Variants in ARB2A observed in about 807,000 individuals in gnomAD.
ARB2A encodes cotranscriptional regulator ARB2A.
chr5:94,031,234 G>A, the ARB2A span, among the ~76,000 whole-genome samples: 180 of 152,248 alleles, frequency 1.2e-3, 3 homozygotes, highest in East Asian at 0.031. Flanking sequence ...TCTGGTGAGC[G>A]CTCAGAAGAT....
chr5:93,732,636 A>AT, the ARB2A span, among the ~76,000 whole-genome samples: 9 of 151,684 alleles, frequency 5.9e-5, no homozygotes, highest in Non-Finnish European at 1.2e-4. Context: ...TTTCTCATGT[A>AT]TATGGCTCCG....
At chr5:93,699,370 A>G in the ARB2A span, among the ~76,000 whole-genome samples, 3 of 152,222 alleles carry the variant, frequency 2.0e-5, no homozygotes, top group East Asian at 3.8e-4. Context: ...TTTTATCAGC[A>G]TGACCTAGAA....
At chr5:93,631,788 GGAGGGGGATAGGGA>G in the ARB2A span, among the ~76,000 whole-genome samples, 2 of 151,330 alleles carry the variant, frequency 1.3e-5, no homozygotes, top group African/African-American at 4.9e-5. Context: ...CAGAGAGGGG[GGAGGGGGATAGGGA>G]GAGGGGGAGA....
the ARB2A span, among the ~76,000 whole-genome samples, chr5:93,725,240 A>G: frequency 1.3e-5 from 2 of 152,026 alleles, no homozygotes; most frequent in South Asian, 4.1e-4. Context: ...AAGAACATTA[A>G]CCGTATATTT....
chr5:94,106,364 CAT>C, the ARB2A span, among the ~76,000 whole-genome samples: 2 of 152,056 alleles, frequency 1.3e-5, no homozygotes, highest in Non-Finnish European at 2.9e-5. Flanking sequence ...GGACAACAAA[CAT>C]ATGAAAAAAT....
the ARB2A span, among the ~76,000 whole-genome samples, chr5:93,907,832 C>T: frequency 1.3e-5 from 2 of 151,128 alleles, no homozygotes; most frequent in Non-Finnish European, 3.0e-5. Flanking sequence ...GTATCATGGC[C>T]AATTTTAAAT....
the ARB2A span, among the ~76,000 whole-genome samples, chr5:94,060,626 A>T: frequency 1.3e-5 from 2 of 152,202 alleles, no homozygotes; most frequent in Non-Finnish European, 2.9e-5. Flanking sequence ...CTTCCAGTAA[A>T]TAAAACAGAG....
chr5:93,696,048 T>C, the ARB2A span, among the ~76,000 whole-genome samples: 1 of 151,378 alleles, frequency 6.6e-6, no homozygotes, highest in Non-Finnish European at 1.5e-5. Context: ...GGTGGGGGAC[T>C]AGGGGAGGGA....
chr5:94,047,440 C>T, the ARB2A span, among the ~76,000 whole-genome samples: 4 of 146,732 alleles, frequency 2.7e-5, no homozygotes, highest in Non-Finnish European at 1.5e-5. Context: ...TGCAGTGAGC[C>T]GAGGGTGAGC....
the ARB2A span, among the ~76,000 whole-genome samples, chr5:93,826,858 TCCTTGTGATAGTTTG>T: frequency 5.3e-5 from 8 of 151,008 alleles, no homozygotes; most frequent in East Asian, 1.6e-3. Context: ...TGGTTTTTTG[TCCTTGTGATAGTTTG>T]CTAAGAATGA....
chr5:93,892,961 T>C, the ARB2A span, among the ~76,000 whole-genome samples: 2 of 152,240 alleles, frequency 1.3e-5, no homozygotes, highest in Admixed American at 1.3e-4. Flanking sequence ...CTTTAAAAAA[T>C]ATGGTTTTAA....
At chr5:93,971,577 T>C in the ARB2A span, among the ~76,000 whole-genome samples, 1 of 145,834 alleles carries the variant, frequency 6.9e-6, no homozygotes, top group Non-Finnish European at 1.5e-5. Flanking sequence ...CAAAAATAAA[T>C]AAATAAATAA....
the ARB2A span, among the ~76,000 whole-genome samples, chr5:93,727,344 C>T: frequency 6.6e-6 from 1 of 151,700 alleles, no homozygotes; most frequent in Non-Finnish European, 1.5e-5. Context: ...ATTTACTAAC[C>T]CTTTTAAAAT....
At chr5:94,035,238 T>TATACAC in the ARB2A span, among the ~76,000 whole-genome samples, 5 of 144,146 alleles carry the variant, frequency 3.5e-5, no homozygotes, top group African/African-American at 4.9e-5. Flanking sequence ...TACATATACA[T>TATACAC]ATACATATAC....
At chr5:94,036,492 T>C in the ARB2A span, among the ~76,000 whole-genome samples, 33 of 152,328 alleles carry the variant, frequency 2.2e-4, no homozygotes, top group East Asian at 6.4e-3. Flanking sequence ...TTTACCACTT[T>C]ACACTCCCAC....
chr5:93,920,883 T>C, the ARB2A span, among the ~76,000 whole-genome samples: 6 of 152,112 alleles, frequency 3.9e-5, no homozygotes, highest in Non-Finnish European at 7.4e-5. Context: ...GTGCGAGCAG[T>C]TGTCTCTTCA....
the ARB2A span, among the ~76,000 whole-genome samples, chr5:93,876,315 C>T: frequency 6.6e-6 from 1 of 152,114 alleles, no homozygotes; most frequent in South Asian, 2.1e-4. Context: ...TATTACAAAA[C>T]ATATTAAGCA....
chr5:93,650,684 T>A, the ARB2A span, among the ~76,000 whole-genome samples: 1 of 152,016 alleles, frequency 6.6e-6, no homozygotes, highest in African/African-American at 2.4e-5. Context: ...ATAAACGGGA[T>A]AAATGCAAAG....
the ARB2A span, among the ~76,000 whole-genome samples, chr5:94,009,243 CA>C: frequency 6.6e-6 from 1 of 151,920 alleles, no homozygotes; most frequent in Non-Finnish European, 1.5e-5. Context: ...CATTTACATA[CA>C]AAAAAGGTAA....
Sources: allele counts gnomAD v4.1 joint callset (sites outside exome capture counted in the v4.1 genomes callset), GRCh38; gene constraint gnomAD v4.1.1; transcripts MANE v1.5; gene names NCBI Gene and HGNC (gene_info 2026-07-23, HGNC 2026-07-21).